MAP3K20: variants seen among roughly 807,000 people sequenced by gnomAD.
MAP3K20 encodes HCCS-4.
Under a neutral mutation model 85.7 loss-of-function variants are expected in MAP3K20, and 40 were observed. That is an observed-to-expected ratio of 0.47 (90% CI 0.36 to 0.61). The LOEUF is 0.61. Ranked by LOEUF, MAP3K20 falls within the 20% of genes least tolerant of loss-of-function variation. The probability of loss-of-function intolerance (pLI) is 0.00; values close to 1 mark genes in which losing one functional copy is unlikely to be tolerated. For missense variants in MAP3K20, 817 were observed against 961.7 expected, an observed-to-expected ratio of 0.85 and a Z score of 1.99; for synonymous variants, 325 against 327.7, an observed-to-expected ratio of 0.99 and a Z score of 0.09.
Position 173,249,871 on chromosome 2 carries a change from G to GA in MAP3K20, c.1360-8825dup, listed in dbSNP as rs767409450. ...CAGTCAAGTGTGTAATGCATCATAT[G>GA]AAAGTATGTCTCACTTGATTTGTTT... On this transcript the variant is annotated intron_variant, in intron 16 of 19. Transcript: ENST00000375213. Among the ~76,000 whole-genome samples the GA allele has an allele frequency of 3.9e-5, 6 of 152,216 alleles. No homozygotes were observed. In the East Asian group the frequency reaches 9.6e-4, roughly 24 times the overall value.
At chr2:173,176,190 T>A (rs1690147181) in intron 3 of MAP3K20, among the ~76,000 whole-genome samples, 1 of 152,156 alleles carries the variant, frequency 6.6e-6, no homozygotes, top group African/African-American at 2.4e-5. Context: ...TTGACTGTAT[T>A]ATGCATTGTA....
intron 17 of MAP3K20, among the ~76,000 whole-genome samples, chr2:173,259,814 C>T (rs1481052069): frequency 6.6e-6 from 1 of 152,116 alleles, no homozygotes; most frequent in African/African-American, 2.4e-5. Flanking sequence ...TTACCTTTTT[C>T]TTATTTTGTC....
At chr2:173,261,396 C>A (rs969743364) in intron 18 of MAP3K20, among the ~76,000 whole-genome samples, 1 of 152,156 alleles carries the variant, frequency 6.6e-6, no homozygotes, top group East Asian at 1.9e-4. Flanking sequence ...GGATTGAACA[C>A]CTTCTGTATA....
chr2:173,137,327 T>C (rs2106208936), intron 2 of MAP3K20, among the ~76,000 whole-genome samples: 1 of 152,352 alleles, frequency 6.6e-6, no homozygotes, highest in South Asian at 2.1e-4. Context: ...TATTAGATCT[T>C]TTGTGCCTTG....
At chr2:173,094,283 A>G (rs1687393993) in intron 2 of MAP3K20, among the ~76,000 whole-genome samples, 1 of 152,136 alleles carries the variant, frequency 6.6e-6, no homozygotes, top group African/African-American at 2.4e-5. Flanking sequence ...ATATGTATTC[A>G]TATATATTGT....
chr2:173,137,599 T>C (rs1688833409), intron 2 of MAP3K20, among the ~76,000 whole-genome samples: 1 of 152,214 alleles, frequency 6.6e-6, no homozygotes. Context: ...TCTCTCCCTC[T>C]CTTTTTTTCC....
At chr2:173,185,377 G>A (rs1469382846) in intron 4 of MAP3K20, among the ~76,000 whole-genome samples, 3 of 152,086 alleles carry the variant, frequency 2.0e-5, no homozygotes, top group Non-Finnish European at 4.4e-5. Context: ...CAGAGAAGAG[G>A]CTTGTATGTT....
chr2:173,084,423 G>A (rs1337427686), intron 1 of MAP3K20, among the ~76,000 whole-genome samples: 9 of 49,610 alleles, frequency 1.8e-4, no homozygotes, highest in Non-Finnish European at 2.8e-4. Context: ...TCCAAAAAGT[G>A]CAAAAAAAAA....
chr2:173,220,830 C>G (rs1684224897), intron 11 of MAP3K20, among the ~76,000 whole-genome samples: 1 of 152,098 alleles, frequency 6.6e-6, no homozygotes, highest in African/African-American at 2.4e-5. Context: ...TGGGAAAAGT[C>G]AAGATAAATC....
At chr2:173,232,009 G>A (rs1202879668) in intron 12 of MAP3K20, among the ~76,000 whole-genome samples, 183 bp from the exon 13 acceptor site, 2 of 152,172 alleles carry the variant, frequency 1.3e-5, no homozygotes, top group East Asian at 3.9e-4. Context: ...CCGAAGAGAG[G>A]GATATCTCCC....
At chr2:173,091,546 G>A (rs1041692022) in intron 2 of MAP3K20, among the ~76,000 whole-genome samples, 1 of 152,182 alleles carries the variant, frequency 6.6e-6, no homozygotes, top group Non-Finnish European at 1.5e-5. Flanking sequence ...AGAGTAATGT[G>A]TGAAGTTTTT....
At chr2:173,192,272 TTG>T (rs1319623608) in intron 7 of MAP3K20, among the ~76,000 whole-genome samples, 3 of 152,200 alleles carry the variant, frequency 2.0e-5, no homozygotes, top group African/African-American at 7.2e-5. Flanking sequence ...CTGTTTTGTT[TTG>T]TTTTGTTTTC....
chr2:173,226,853 CTTTA>C (rs1295419196), intron 11 of MAP3K20: 2 of 984,734 alleles, frequency 2.0e-6, no homozygotes, highest in Admixed American at 6.2e-5. Context: ...GGCATTATCA[CTTTA>C]TTGTTTTTTT....
intron 2 of MAP3K20, among the ~76,000 whole-genome samples, chr2:173,132,256 G>A (rs1035867426): frequency 7.2e-5 from 11 of 152,066 alleles, no homozygotes; most frequent in African/African-American, 2.7e-4. Flanking sequence ...CAAAAATGGA[G>A]AAACTTTTGT....
At chr2:173,117,590 T>C (rs549271415) in intron 2 of MAP3K20, among the ~76,000 whole-genome samples, 8 of 152,330 alleles carry the variant, frequency 5.3e-5, no homozygotes, top group Admixed American at 2.0e-4. Context: ...TATTTTTTTT[T>C]CTAATAAAAT....
intron 11 of MAP3K20, chr2:173,224,820 T>G: frequency 4.1e-6 from 4 of 984,830 alleles, no homozygotes; most frequent in Non-Finnish European, 4.8e-6. Flanking sequence ...GACTTTAGAC[T>G]CTATTAATTT....
intron 8 of MAP3K20, among the ~76,000 whole-genome samples, chr2:173,200,969 T>G (rs1490546860): frequency 6.6e-6 from 1 of 152,126 alleles, no homozygotes; most frequent in African/African-American, 2.4e-5. Flanking sequence ...TAAAGAAATT[T>G]GTGTACTCTT....
intron 2 of MAP3K20, among the ~76,000 whole-genome samples, chr2:173,102,892 C>T (rs1039018297): frequency 1.3e-5 from 2 of 151,862 alleles, no homozygotes; most frequent in African/African-American, 4.8e-5. Context: ...TGGCCAAAAC[C>T]CTGTCTCTAC....
intron 2 of MAP3K20, among the ~76,000 whole-genome samples, chr2:173,113,464 G>T (rs1414951001): frequency 6.6e-6 from 1 of 151,924 alleles, no homozygotes; most frequent in Non-Finnish European, 1.5e-5. Flanking sequence ...TGCTTCTCTA[G>T]TTCATTGAGG....
Sources: allele counts gnomAD v4.1 joint callset (sites outside exome capture counted in the v4.1 genomes callset), GRCh38; gene constraint gnomAD v4.1.1; transcripts MANE v1.5; gene names NCBI Gene and HGNC (gene_info 2026-07-23, HGNC 2026-07-21).